DYNC1I1: variants seen among roughly 807,000 people sequenced by gnomAD.
The protein encoded by DYNC1I1 is cytoplasmic dynein 1 intermediate chain 1.
DYNC1I1 carries 43 observed loss-of-function variants against 86.6 expected under a neutral mutation model. That is an observed-to-expected ratio of 0.50 (90% confidence interval 0.39 to 0.64). DYNC1I1 has a LOEUF of 0.64. Among genes scored for constraint, DYNC1I1 ranks in the 30% least tolerant of loss-of-function variants. The probability of loss-of-function intolerance (pLI) is 0.00; values close to 1 mark genes in which losing one functional copy is unlikely to be tolerated. For synonymous variants in DYNC1I1, 262 were observed against 283.7 expected, an observed-to-expected ratio of 0.92 and a Z score of 0.77; for missense variants, 604 against 788.8, an observed-to-expected ratio of 0.77 and a Z score of 2.81.
At chr7:95,959,982 C>T (rs925078318) in intron 6 of DYNC1I1, among the ~76,000 whole-genome samples, 10 of 152,184 alleles carry the variant, frequency 6.6e-5, no homozygotes, top group African/African-American at 2.2e-4. Context: ...ATAGATTCCC[C>T]TAAGCGGACT....
At chr7:95,782,531 C>T (rs1302097107) in intron 1 of DYNC1I1, among the ~76,000 whole-genome samples, 1 of 152,200 alleles carries the variant, frequency 6.6e-6, no homozygotes, top group East Asian at 1.9e-4. Flanking sequence ...CAGGCAGGTG[C>T]AGGAGCCAGA....
At chr7:95,901,348 G>A (rs1442155531) in intron 6 of DYNC1I1, among the ~76,000 whole-genome samples, 1 of 152,186 alleles carries the variant, frequency 6.6e-6, no homozygotes, top group East Asian at 1.9e-4. Flanking sequence ...GTAGTAAAAG[G>A]GACAGAGTTC....
intron 6 of DYNC1I1, among the ~76,000 whole-genome samples, chr7:95,899,242 A>G (rs1397833678): frequency 6.6e-6 from 1 of 152,214 alleles, no homozygotes; most frequent in Non-Finnish European, 1.5e-5. Context: ...GGAAGGGACC[A>G]TGTTACATCT....
chr7:96,030,696 C>T lies in DYNC1I1; in HGVS notation c.1117-1971C>T, dbSNP rs1794789069. Among the ~76,000 whole-genome samples, 4 of 152,102 alleles carry T rather than the reference C, an allele frequency of 2.6e-5. No individual in the cohort carries two copies. In the South Asian group the frequency reaches 8.3e-4, roughly 32 times the overall value. The stretch of plus-strand genomic sequence containing the variant: ...GGTTCATAACAGTATTTGGACCCTG[C>T]CTTCCCATTCTTCAGTTTTACTAAG... On this transcript the variant is annotated intron_variant, in intron 11 of 16. Coordinates refer to ENST00000447467, the MANE Select transcript of DYNC1I1 (RefSeq NM_001135556.2).
rs144859101 is a variant in DYNC1I1, at chr7:95,890,342, AC to A, written c.490+20346del. On this transcript the variant is annotated intron_variant, in intron 6 of 16. Coordinates refer to ENST00000447467, the MANE Select transcript of DYNC1I1 (RefSeq NM_001135556.2). ...AAAATGCAGGAACAGAAAGGCAAAT[AC>A]CACATGTTCTCACTTTAAGTGGGAC... is the stretch of plus-strand genomic sequence containing the variant. 2.8e-3 allele frequency among the ~76,000 whole-genome samples: 422 copies of A among 152,296 alleles called. 1 individual carries two copies. The highest frequency in any genetic ancestry group is 9.6e-3 in the African/African-American group (399 of 41,552).
chr7:95,997,872 G>T (rs1331630313), intron 10 of DYNC1I1, among the ~76,000 whole-genome samples: 7 of 152,044 alleles, frequency 4.6e-5, no homozygotes, highest in South Asian at 4.2e-4. Context: ...TGGGATAAAG[G>T]TCAGGTAAAT....
intron 6 of DYNC1I1, among the ~76,000 whole-genome samples, chr7:95,896,622 C>A (rs368281996): frequency 1.3e-5 from 2 of 152,152 alleles, no homozygotes; most frequent in African/African-American, 2.4e-5. Context: ...ACTCAGAATC[C>A]CATACTCTTT....
At chr7:95,852,325 T>G (rs183010737) in intron 5 of DYNC1I1, among the ~76,000 whole-genome samples, 1 of 152,166 alleles carries the variant, frequency 6.6e-6, no homozygotes, top group Admixed American at 6.5e-5. Flanking sequence ...TTTATGATTC[T>G]TTGTATTTAT....
Position 96,059,831 on chromosome 7 carries a change from A to T in DYNC1I1, c.1510-16226A>T, listed in dbSNP as rs1177270732. The stretch of plus-strand genomic sequence containing the variant: ...TGTGAGGAACAGGACAGAGGTCTTC[A>T]TGCCTGCAACAACAACAACAAAAAA... On this transcript the variant is annotated intron_variant, in intron 14 of 16. Coordinates refer to ENST00000447467, the MANE Select transcript of DYNC1I1 (RefSeq NM_001135556.2). Among the ~76,000 whole-genome samples the T allele has an allele frequency of 2.6e-5, 4 of 151,810 alleles. No homozygotes were observed. In the East Asian group the frequency reaches 5.8e-4, roughly 22 times the overall value.
Position 96,035,601 on chromosome 7 carries a change from C to G in DYNC1I1, c.1231-18C>G. 2 of 1,561,746 alleles carry G rather than the reference C, an allele frequency of 1.3e-6. No homozygotes were observed. Among genetic ancestry groups the G allele is most frequent in the Non-Finnish European group, 8.6e-7 (1 of 1,158,322 alleles). ...AGGAGTTGACAGATGGAAATGTAAC[C>G]ACACCGTGTTTTGGTAGGAGAGCAT... On this transcript the variant is annotated intron_variant, in intron 12 of 16. Coordinates refer to ENST00000447467, the MANE Select transcript of DYNC1I1 (RefSeq NM_001135556.2).
At chr7:96,017,824 T>C (rs1315897566) in intron 10 of DYNC1I1, among the ~76,000 whole-genome samples, 2 of 152,158 alleles carry the variant, frequency 1.3e-5, no homozygotes, top group African/African-American at 4.8e-5. Context: ...TTTGGTTATA[T>C]AGTGACAAGA....
At chr7:95,942,556 A>C (rs551455557) in intron 6 of DYNC1I1, among the ~76,000 whole-genome samples, 2 of 152,346 alleles carry the variant, frequency 1.3e-5, no homozygotes, top group Admixed American at 6.5e-5. Context: ...AAAGCTTGGC[A>C]GAGACACAAA....
chr7:95,980,480 G>A (rs1474063595), intron 7 of DYNC1I1, among the ~76,000 whole-genome samples: 1 of 149,930 alleles, frequency 6.7e-6, no homozygotes, highest in Non-Finnish European at 1.5e-5. Context: ...TTTGCTCTGG[G>A]CTGAAACTTG....
chr7:96,094,434 G>A (rs966550365), intron 16 of DYNC1I1, among the ~76,000 whole-genome samples: 4 of 152,096 alleles, frequency 2.6e-5, no homozygotes, highest in South Asian at 2.1e-4. Flanking sequence ...AGACTACCAC[G>A]TGAGAAGAGC....
At chr7:95,820,774 C>T (rs533234206) in intron 4 of DYNC1I1, among the ~76,000 whole-genome samples, 1 of 152,362 alleles carries the variant, frequency 6.6e-6, no homozygotes, top group Admixed American at 6.5e-5. Flanking sequence ...GACAGGGTCT[C>T]GCTATGTTAC....
In DYNC1I1 at chr7:95,982,449, GT is replaced by G. The variant is rs199959558; in HGVS notation, c.581-2364del. Among the ~76,000 whole-genome samples the G allele has an allele frequency of 4.1e-3, 617 of 152,250 alleles. 5 individuals carry two copies. Among genetic ancestry groups the G allele is most frequent in the African/African-American group, 0.014 (590 of 41,560 alleles). Reference sequence around the variant, plus strand: ...CATTTATGTTTCTGTTAGAGAAGAAGTTGTGTGTCTTGAAAGCTGAGATCAA... The same window carrying G: ...CATTTATGTTTCTGTTAGAGAAGAAGTGTGTGTCTTGAAAGCTGAGATCAA... On this transcript the variant is annotated intron_variant, in intron 7 of 16. Coordinates refer to ENST00000447467, the MANE Select transcript of DYNC1I1 (RefSeq NM_001135556.2).
intron 6 of DYNC1I1, among the ~76,000 whole-genome samples, chr7:95,959,894 A>G (rs1220777895): frequency 1.3e-5 from 2 of 152,186 alleles, no homozygotes; most frequent in African/African-American, 4.8e-5. Flanking sequence ...AGGAAGTCCA[A>G]CTGCAAAGTT....
chr7:95,992,222 AT>A (rs1353650184), intron 9 of DYNC1I1, among the ~76,000 whole-genome samples: 2 of 151,944 alleles, frequency 1.3e-5, no homozygotes, highest in Admixed American at 1.3e-4. Flanking sequence ...CTGCTTTTTT[AT>A]TTGTCTTGTA....
intron 6 of DYNC1I1, among the ~76,000 whole-genome samples, chr7:95,907,362 A>G (rs1011882636): frequency 9.9e-5 from 15 of 152,098 alleles, no homozygotes; most frequent in African/African-American, 3.6e-4. Context: ...GACCGTTTAT[A>G]TTTTGGGGGA....
Sources: gnomAD v4.1 joint callset for allele counts (sites outside exome capture counted in the v4.1 genomes callset) on GRCh38, gnomAD v4.1.1 for gene constraint, MANE v1.5 for transcripts, NCBI Gene and HGNC (gene_info 2026-07-23, HGNC 2026-07-21) for gene names.